The following NOX5 variants were observed in gnomAD, a reference collection of about 807,000 sequenced individuals.
The protein encoded by NOX5 is NADPH oxidase, EF-hand calcium binding domain 5.
Under a neutral mutation model 85.7 loss-of-function variants are expected in NOX5, and 76 were observed. The observed-to-expected ratio is 0.89, with a 90% CI of 0.74 to 1.07. The LOEUF is 1.07. Ranked by LOEUF, NOX5 falls within the 50% of genes least tolerant of loss-of-function variation. The pLI, the probability that NOX5 is intolerant of heterozygous loss-of-function variation, is 0.00. For synonymous variants in NOX5, 405 were observed against 401.4 expected, an observed-to-expected ratio of 1.01 and a Z score of -0.11; for missense variants, 973 against 999.5, an observed-to-expected ratio of 0.97 and a Z score of 0.36.
At position 69,028,200 on chromosome 15, in the gene NOX5, C is replaced by A. The variant is rs1197789585; in HGVS notation, c.175-15C>A. ...CGGCCACAGTTGTGCTGTCTTCCAC[C>A]CTTCTCGCCCACAGTCCTTCTTTGC... On this transcript the variant is annotated splice_polypyrimidine_tract_variant and intron_variant, in intron 2 of 15. Transcript: ENST00000388866. 1 of 1,581,900 alleles carries A rather than the reference C, an allele frequency of 6.3e-7. No homozygotes were observed. The highest frequency in any genetic ancestry group is 1.3e-5 in the African/African-American group (1 of 74,082).
intron 1 of NOX5, among the ~76,000 whole-genome samples, chr15:69,018,793 C>T (rs1302561679): frequency 6.6e-6 from 1 of 152,150 alleles, no homozygotes; most frequent in African/African-American, 2.4e-5. Context: ...CGGGCCAGAG[C>T]TCACTGATGG....
At position 69,059,463 on chromosome 15, in the gene NOX5, C is replaced by T. The variant is rs1010323025; in HGVS notation, c.*2767C>T. Reference sequence around the variant, plus strand: ...CAAGGTCAGTTTCTCTAGCTGGCAGCTTCTCACTGCCGCTGCCTTCCCCCA... The same window carrying T: ...CAAGGTCAGTTTCTCTAGCTGGCAGTTTCTCACTGCCGCTGCCTTCCCCCA... On this transcript the variant is annotated 3_prime_UTR_variant, in exon 16 of 16. Coordinates refer to ENST00000388866, the MANE Select transcript of NOX5 (RefSeq NM_024505.4). The T allele has an allele frequency of 2.0e-5, 3 of 152,228 alleles. No individual in the cohort carries two copies. The highest frequency in any genetic ancestry group is 4.4e-5 in the Non-Finnish European group (3 of 68,054). The allele number at this position is 152,228 out of a possible 1,614,324, so 9.4% of individuals were successfully genotyped here. A position where few individuals can be genotyped will look rare whatever the true frequency, so the allele number is the denominator to read the frequency against.
intron 6 of NOX5, 92 bp from the exon 7 acceptor site, chr15:69,035,666 T>C (rs779416551): frequency 6.4e-7 from 1 of 1,566,696 alleles, no homozygotes; most frequent in Non-Finnish European, 8.6e-7. Flanking sequence ...CCCGTGCTAG[T>C]ATCTGATGGT....
Position 69,047,873 on chromosome 15 carries a change from T to C in NOX5, c.1861T>C (p.Trp621Arg), listed in dbSNP as rs776309553. The change falls in exon 13 of 16, where the codon TGG becomes CGG. Residue 621 changes from tryptophan (W) to arginine (R), a missense_variant. Physicochemically the swap from Trp to Arg is moderately radical, Grantham distance 101. Transcript: ENST00000388866. The stretch of plus-strand genomic sequence containing the variant: ...TACTTGCCCCAGCTGCCAGCACTCC[T>C]GGATCGAAGGTGTCCAAGACAACAT... ...KHTCPSCQHS[W>R]IEGVQDNMKL... is the part of the protein sequence containing the mutation. The C allele has an allele frequency of 9.9e-6, 16 of 1,614,168 alleles. No individual in the cohort carries two copies. Among genetic ancestry groups the C allele is most frequent in the Non-Finnish European group, 1.3e-5 (15 of 1,180,024 alleles).
chr15:69,019,780 G>GTAA (rs1327562883), intron 1 of NOX5, among the ~76,000 whole-genome samples: 2 of 152,344 alleles, frequency 1.3e-5, no homozygotes, highest in African/African-American at 4.8e-5. Flanking sequence ...CCATTATGCA[G>GTAA]TAACACTTTT....
In NOX5 at chr15:69,032,968, G is replaced by A. The variant is rs34564082; in HGVS notation, c.621-75G>A. On this transcript the variant is annotated intron_variant, in intron 4 of 15. Transcript: ENST00000388866. ...CAGACTTGGTCGGCCATAGCTTGAA[G>A]GGGGTCTTTAAGTTAAGACACAGGT... 1,511 of 1,507,440 alleles carry A rather than the reference G, an allele frequency of 1.0e-3. 17 individuals are homozygous for A. The African/African-American group carries it at 0.02, about 20-fold the overall frequency. 93.4% of individuals were successfully genotyped at this position (1,507,440 alleles called of 1,614,324 possible).
chr15:69,055,165 A>G (rs1003061858), intron 14 of NOX5, among the ~76,000 whole-genome samples, 169 bp from the exon 15 acceptor site: 1 of 152,242 alleles, frequency 6.6e-6, no homozygotes, highest in African/African-American at 2.4e-5. Context: ...GGCCCAGCTC[A>G]AGCAATGGGC....
intron 1 of NOX5, chr15:69,022,267 C>A: frequency 9.9e-6 from 2 of 201,422 alleles, no homozygotes; most frequent in South Asian, 1.2e-4. Context: ...ATCCCAATGT[C>A]ACAAGGAAAC....
chr15:69,055,337 G>A lies in NOX5; in HGVS notation c.2003G>A (p.Arg668His), dbSNP rs562414382. The change falls in exon 15 of 16, where the codon CGC (arginine) becomes CAC (histidine). Residue 668 changes from arginine to histidine, a missense_variant. Physicochemically the swap from Arg to His is conservative, Grantham distance 29. Coordinates refer to ENST00000388866, the MANE Select transcript of NOX5 (RefSeq NM_024505.4). ...MDQAEEAQYGRFLELHMYMTS... is the reference protein window; with the variant it reads ...MDQAEEAQYGHFLELHMYMTS... ...GCCCTTGTCCCCTGCCCAACAGGCC[G>A]CTTCCTGGAGCTGCATATGTACATG... 2.0e-5 allele frequency: 33 copies of A among 1,613,680 alleles called. No homozygotes were observed. The East Asian group carries it at 2.2e-4, about 11-fold the overall frequency.
intron 9 of NOX5, 145 bp downstream of exon 9, chr15:69,039,134 C>G (rs1325112871): frequency 1.1e-6 from 1 of 896,104 alleles, no homozygotes; most frequent in African/African-American, 1.6e-5. Flanking sequence ...GAAGTGGGAG[C>G]AGGCATGCAG....
At chr15:69,054,570 C>T (rs897590825) in intron 14 of NOX5, among the ~76,000 whole-genome samples, 1 of 152,228 alleles carries the variant, frequency 6.6e-6, no homozygotes. Flanking sequence ...CCACACCTTG[C>T]CCCGCAAACA....
At chr15:69,017,352 A>T (rs957419113) in intron 1 of NOX5, among the ~76,000 whole-genome samples, 4 of 152,040 alleles carry the variant, frequency 2.6e-5, no homozygotes, top group African/African-American at 9.7e-5. Flanking sequence ...GGGTTTTGCC[A>T]TGTTGAACAG....
chr15:69,050,802 C>A (rs779169229), intron 14 of NOX5, among the ~76,000 whole-genome samples: 1 of 152,186 alleles, frequency 6.6e-6, no homozygotes, highest in Non-Finnish European at 1.5e-5. Flanking sequence ...GAGTCTAGAG[C>A]AGCCTTTAGT....
At chr15:69,035,614 G>A in intron 6 of NOX5, 107 bp downstream of exon 6, 4 of 1,551,586 alleles carry the variant, frequency 2.6e-6, no homozygotes, top group Non-Finnish European at 3.5e-6. Flanking sequence ...GGGCAGAGAA[G>A]GGGTGCCCTG....
chr15:69,015,635 C>T (rs892686691), intron 1 of NOX5, among the ~76,000 whole-genome samples: 5 of 152,140 alleles, frequency 3.3e-5, no homozygotes, highest in Admixed American at 1.3e-4. Flanking sequence ...CCAAGGTTGG[C>T]GAGTCAGAAT....
At chr15:69,028,478 G>A (rs1351245161) in intron 3 of NOX5, 113 bp downstream of exon 3, 1 of 1,043,200 alleles carries the variant, frequency 9.6e-7, no homozygotes, top group African/African-American at 1.6e-5. Context: ...CCTGAGCCCA[G>A]CCTGGGACTG....
intron 1 of NOX5, among the ~76,000 whole-genome samples, chr15:69,019,018 A>G (rs1264457076): frequency 6.6e-6 from 1 of 152,138 alleles, no homozygotes; most frequent in Non-Finnish European, 1.5e-5. Flanking sequence ...GCATGCTATC[A>G]TGCCTGGCTA....
Position 69,028,287 on chromosome 15 carries a change from C to A in NOX5, c.247C>A (p.Gln83Lys). The change falls in exon 3 of 16, where the codon CAG (glutamine) becomes AAG (lysine). Residue 83 changes from glutamine to lysine, a missense_variant. By Grantham distance (53) the Gln-to-Lys change is moderately conservative (BLOSUM62 1). Coordinates refer to ENST00000388866, the MANE Select transcript of NOX5 (RefSeq NM_024505.4). ...TGGCACCATCACCCTCCAGGAGCTGCAGGAGGCACTGACCCTGCTCATCCA... is the reference window on the plus strand; with the variant it reads ...TGGCACCATCACCCTCCAGGAGCTGAAGGAGGCACTGACCCTGCTCATCCA... Reference protein sequence around the residue: ...RSGTITLQELQEALTLLIHGS... With the variant: ...RSGTITLQELKEALTLLIHGS... The A allele has an allele frequency of 6.2e-7, 1 of 1,613,746 alleles. No homozygotes were observed. The highest frequency in any genetic ancestry group is 1.1e-5 in the South Asian group (1 of 91,024).
chr15:69,056,312 T>A (rs973574888), intron 15 of NOX5, among the ~76,000 whole-genome samples: 2 of 152,154 alleles, frequency 1.3e-5, no homozygotes, highest in African/African-American at 4.8e-5. Context: ...TGGGTCTTAT[T>A]TATTTCTGGC....
Sources: allele counts gnomAD v4.1 joint callset (sites outside exome capture counted in the v4.1 genomes callset), GRCh38; gene constraint gnomAD v4.1.1; transcripts MANE v1.5; gene names NCBI Gene and HGNC (gene_info 2026-07-23, HGNC 2026-07-21).